ZNF254: variants seen among roughly 807,000 people sequenced by gnomAD.
ZNF254 encodes the protein CTD-2017D11.1.
A neutral mutation model predicts 12.4 loss-of-function variants in ZNF254; 10 were observed. The ratio of observed to expected loss-of-function variants is 0.80; its 90% CI spans 0.50 to 1.36. The LOEUF is 1.36. Ranked by LOEUF, ZNF254 falls within the 40% of genes most tolerant of loss-of-function variation. The pLI is 0.00. For missense variants in ZNF254, 996 were observed against 763.9 expected (o/e 1.30, Z -3.58); for synonymous variants, 305 against 253.4 (o/e 1.20, Z -1.93).
intron 2 of ZNF254, among the ~76,000 whole-genome samples, chr19:24,058,397 C>CTT (rs1318803081): frequency 4.7e-5 from 5 of 107,236 alleles, no homozygotes; most frequent in Non-Finnish European, 1.1e-4. Flanking sequence ...TTTTCTTTTT[C>CTT]TTTCTTTCTT....
chr19:24,075,812 A>G (rs1417000922), intron 2 of ZNF254, among the ~76,000 whole-genome samples: 2 of 152,222 alleles, frequency 1.3e-5, no homozygotes, highest in Non-Finnish European at 2.9e-5. Flanking sequence ...TTTATCCCTT[A>G]TCTTCAACTG....
rs1555751754 is a variant in ZNF254, at chr19:24,049,230, T to TTA, written c.-94+2951_-94+2952insTA. On this transcript the variant is annotated intron_variant, in intron 2 of 4. Coordinates refer to the ZNF254 transcript ENST00000613065. ...TATATATATATTTTTTTTTTTTTTT[T>TTA]AATTTATTTATTATTTTTTAATATA... Among the ~76,000 whole-genome samples the TTA allele has an allele frequency of 8.3e-5, 10 of 121,146 alleles. No homozygotes were observed. The East Asian group carries it at 1.5e-3, about 18-fold the overall frequency. The allele number at this position is 121,146 out of a possible 152,430, so 79.5% of individuals were successfully genotyped here.
intron 3 of ZNF254, among the ~76,000 whole-genome samples, chr19:24,124,973 C>T (rs907779252): frequency 1.7e-4 from 26 of 151,816 alleles, no homozygotes; most frequent in South Asian, 6.2e-4. Context: ...TTAGTAGAGA[C>T]GGGGTTTTGC....
chr19:24,127,366 C>G lies in ZNF254; in HGVS notation c.1366C>G (p.His456Asp). Residue 456 changes from histidine to aspartate, a missense_variant, in exon 4 of 4, where the codon CAT becomes GAT. His to Asp is a moderately conservative substitution (Grantham distance 81, BLOSUM62 -1). Coordinates refer to ENST00000357002, the MANE Select transcript of ZNF254 (RefSeq NM_203282.4). ...AACCCTTACTAAACATAAGAGAATT[C>G]ATACTAGAGAGAAACCCTACAAATG... ...SSTLTKHKRI[H>D]TREKPYKCEE... 1 of 1,613,456 alleles carries G rather than the reference C, an allele frequency of 6.2e-7. No individual in the cohort carries two copies. The highest frequency in any genetic ancestry group is 8.5e-7 in the Non-Finnish European group (1 of 1,179,796).
intron 3 of ZNF254, among the ~76,000 whole-genome samples, chr19:24,113,686 G>A (rs1017443102): frequency 6.6e-6 from 1 of 152,146 alleles, no homozygotes; most frequent in Non-Finnish European, 1.5e-5. Context: ...TCTGGCCAGG[G>A]CAATTAGGCA....
chr19:24,083,579 G>A (rs1599666056), upstream of ZNF254, among the ~76,000 whole-genome samples: 1 of 152,082 alleles, frequency 6.6e-6, no homozygotes, highest in East Asian at 1.9e-4. Flanking sequence ...ATTGTAGAAG[G>A]TAATACTGGA....
chr19:24,060,527 T>G (rs1297894908), intron 2 of ZNF254, among the ~76,000 whole-genome samples: 1 of 152,218 alleles, frequency 6.6e-6, no homozygotes, highest in Non-Finnish European at 1.5e-5. Context: ...GTGACTCTAC[T>G]TTCTTACCTG....
chr19:24,118,493 A>AT (rs890403759), intron 3 of ZNF254, among the ~76,000 whole-genome samples: 2 of 151,816 alleles, frequency 1.3e-5, no homozygotes, highest in Non-Finnish European at 2.9e-5. Flanking sequence ...GTCCTTTCAA[A>AT]TTTTTTGTTT....
intron 3 of ZNF254, among the ~76,000 whole-genome samples, chr19:24,117,462 A>G (rs1244232782): frequency 1.3e-5 from 2 of 152,162 alleles, no homozygotes; most frequent in African/African-American, 2.4e-5. Flanking sequence ...TGTGCTAGCA[A>G]TCAGCGAGAC....
At chr19:24,116,111 C>G (rs1346031184) in intron 3 of ZNF254, among the ~76,000 whole-genome samples, 1 of 152,218 alleles carries the variant, frequency 6.6e-6, no homozygotes, top group Non-Finnish European at 1.5e-5. Context: ...CGACCTTTCT[C>G]TCTGGCTGCC....
At chr19:24,061,087 A>G (rs981755231) in intron 2 of ZNF254, among the ~76,000 whole-genome samples, 2 of 152,028 alleles carry the variant, frequency 1.3e-5, no homozygotes, top group African/African-American at 4.8e-5. Flanking sequence ...TGGGGCTGAC[A>G]CCTAGGTGAA....
At chr19:24,107,292 G>T in intron 3 of ZNF254, 1 of 586,388 alleles carries the variant, frequency 1.7e-6, no homozygotes, top group Non-Finnish European at 3.0e-6. Context: ...GGTCACTTTG[G>T]ATAATATGGC....
chr19:24,108,567 A>G (rs956715137), intron 3 of ZNF254, among the ~76,000 whole-genome samples: 2 of 152,116 alleles, frequency 1.3e-5, no homozygotes, highest in African/African-American at 4.8e-5. Flanking sequence ...ATCAAAAGCA[A>G]TTCTCCAACT....
chr19:24,058,393 TTTTCTTTCTTTCTTTCTTTC>T (rs199868845), intron 2 of ZNF254, among the ~76,000 whole-genome samples: 2 of 111,532 alleles, frequency 1.8e-5, no homozygotes, highest in Non-Finnish European at 4.4e-5. Flanking sequence ...GGAGTTTTCT[TTTTCTTTCTTTCTTTCTTTC>T]TTTTTTTTTT....
intron 2 of ZNF254, among the ~76,000 whole-genome samples, chr19:24,048,081 G>C (rs1330275310): frequency 1.6e-5 from 2 of 128,518 alleles, no homozygotes; most frequent in Non-Finnish European, 3.1e-5. Context: ...AGACTTAGTC[G>C]CCAGAGGGAC....
intron 1 of ZNF254, among the ~76,000 whole-genome samples, chr19:24,100,164 T>G (rs1972923337): frequency 6.6e-6 from 1 of 152,168 alleles, no homozygotes; most frequent in Admixed American, 6.5e-5. Context: ...CTTCATTCCA[T>G]GACTCTTTTA....
chr19:24,034,940 T>TGC (rs147393405), intron 1 of ZNF254, among the ~76,000 whole-genome samples: 24,221 of 151,084 alleles, frequency 0.16, 2,101 homozygotes, highest in Middle Eastern at 0.24. Context: ...CCTGCCGTCA[T>TGC]GCGCAGCATG....
intron 2 of ZNF254, among the ~76,000 whole-genome samples, chr19:24,069,382 G>A (rs1268618431): frequency 6.9e-6 from 1 of 144,968 alleles, no homozygotes; most frequent in East Asian, 2.2e-4. Context: ...GCCGAGGCAG[G>A]TGGATCACGA....
At chr19:24,035,656 AG>A (rs2145156249) in intron 1 of ZNF254, among the ~76,000 whole-genome samples, 1 of 152,244 alleles carries the variant, frequency 6.6e-6, no homozygotes, top group East Asian at 1.9e-4. Flanking sequence ...CTGGTGACAG[AG>A]CGAGACTCGG....
Sources: gnomAD v4.1 joint callset for allele counts (sites outside exome capture counted in the v4.1 genomes callset) on GRCh38, gnomAD v4.1.1 for gene constraint, MANE v1.5 for transcripts, NCBI Gene and HGNC (gene_info 2026-07-23, HGNC 2026-07-21) for gene names.